LRMDA: variants seen among roughly 807,000 people sequenced by gnomAD.
LRMDA encodes leucine rich melanocyte differentiation associated.
Under a neutral mutation model 29.8 loss-of-function variants are expected in LRMDA, and 18 were observed. The ratio of observed to expected loss-of-function variants is 0.60; its 90% CI spans 0.42 to 0.90. The LOEUF (loss-of-function observed/expected upper bound fraction) is 0.90. LRMDA is among the 40% of genes least tolerant of loss of function. The pLI is 0.00. For synonymous variants in LRMDA, 125 were observed against 109.4 expected (o/e 1.14, Z -0.89); for missense variants, 273 against 273.9 (o/e 1.00, Z 0.02).
intron 2 of LRMDA, among the ~76,000 whole-genome samples, chr10:75,903,202 G>A (rs72811477): frequency 0.014 from 2,059 of 152,288 alleles, 59 homozygotes; most frequent in South Asian, 0.018. Context: ...ATGGAGGGAA[G>A]GTTTTGGTTA....
At chr10:76,181,315 T>G (rs1296688283) in intron 5 of LRMDA, among the ~76,000 whole-genome samples, 1 of 152,234 alleles carries the variant, frequency 6.6e-6, no homozygotes, top group Non-Finnish European at 1.5e-5. Flanking sequence ...TCAATTGCTT[T>G]GTTTGTGCTT....
intron 2 of LRMDA, among the ~76,000 whole-genome samples, chr10:75,549,360 G>A (rs1840115716): frequency 6.6e-6 from 1 of 152,130 alleles, no homozygotes; most frequent in South Asian, 2.1e-4. Context: ...TGCCTGTAAA[G>A]GACTTGAGCA....
chr10:75,962,449 T>C (rs910309070), intron 2 of LRMDA, among the ~76,000 whole-genome samples: 5 of 152,190 alleles, frequency 3.3e-5, no homozygotes, highest in Non-Finnish European at 7.3e-5. Flanking sequence ...TTTTGTGTTT[T>C]ATCAAGCCCT....
At chr10:76,184,320 T>C (rs940217622) in intron 5 of LRMDA, among the ~76,000 whole-genome samples, 1 of 151,956 alleles carries the variant, frequency 6.6e-6, no homozygotes, top group Non-Finnish European at 1.5e-5. Context: ...CATGAGCCAA[T>C]GTACCCGGAC....
rs1308805589 is a variant in LRMDA, at chr10:75,509,363, T to C, written c.131+70869T>C. Reference sequence around the variant, plus strand: ...GCAAATATTAAATTCAAAACTCATATTATGCTCAAAATTTCCTTTTACTTT... The same window carrying C: ...GCAAATATTAAATTCAAAACTCATACTATGCTCAAAATTTCCTTTTACTTT... On this transcript the variant is annotated intron_variant, in intron 2 of 6. Coordinates refer to ENST00000611255, the MANE Select transcript of LRMDA (RefSeq NM_001305581.2). Among the ~76,000 whole-genome samples, 6 of 152,244 alleles carry C rather than the reference T, an allele frequency of 3.9e-5. No individual in the cohort carries two copies. The East Asian group carries it at 1.2e-3, about 29-fold the overall frequency.
chr10:75,792,288 G>T (rs1209073251), intron 2 of LRMDA, among the ~76,000 whole-genome samples: 1 of 123,976 alleles, frequency 8.1e-6, no homozygotes, highest in African/African-American at 2.6e-5. Flanking sequence ...TGTTTGAGAT[G>T]GAGTCTCACT....
rs983555318 is a variant in LRMDA, at chr10:75,431,724, C to T, written c.-1C>T. 8 of 1,355,392 alleles carry T rather than the reference C, an allele frequency of 5.9e-6. No homozygotes were observed. In the Admixed American group the frequency reaches 8.7e-5, roughly 15 times the overall value. 84.0% of individuals were successfully genotyped at this position (1,355,392 alleles called of 1,614,324 possible). ...CGCGCGCCCGCAGCGTCCTGGCCGC[C>T]ATGGCCGGGCTCGTGGTGCGTGGAA... On this transcript the variant is annotated 5_prime_UTR_variant, in exon 1 of 7. Transcript: ENST00000611255.
chr10:75,490,592 T>G (rs1564784563), intron 2 of LRMDA, among the ~76,000 whole-genome samples: 2 of 152,166 alleles, frequency 1.3e-5, no homozygotes, highest in African/African-American at 4.8e-5. Flanking sequence ...TATGGAGACA[T>G]GAAAGTCAAC....
chr10:76,308,086 T>C (rs529728230), intron 5 of LRMDA, among the ~76,000 whole-genome samples: 6 of 152,298 alleles, frequency 3.9e-5, no homozygotes, highest in African/African-American at 1.4e-4. Flanking sequence ...ACAGTCTCTC[T>C]GTAATGTAAA....
chr10:75,931,442 G>A (rs1262321579), intron 2 of LRMDA, among the ~76,000 whole-genome samples: 1 of 152,178 alleles, frequency 6.6e-6, no homozygotes, highest in East Asian at 1.9e-4. Context: ...ATAGATGTCT[G>A]TAGCCTCATG....
At chr10:76,504,591 A>T (rs1424335869) in intron 6 of LRMDA, among the ~76,000 whole-genome samples, 1 of 151,778 alleles carries the variant, frequency 6.6e-6, no homozygotes, top group East Asian at 1.9e-4. Context: ...TTGTTTGTTG[A>T]TGTTTTAAAG....
At chr10:75,632,390 A>G (rs1163526224) in intron 2 of LRMDA, among the ~76,000 whole-genome samples, 3 of 152,178 alleles carry the variant, frequency 2.0e-5, no homozygotes, top group African/African-American at 7.2e-5. Flanking sequence ...TAAAAAGAAA[A>G]GAGTGTTGTG....
chr10:76,495,927 T>C lies in LRMDA; in HGVS notation c.602-61282T>C, dbSNP rs1269525309. On this transcript the variant is annotated intron_variant, in intron 6 of 6. Coordinates refer to ENST00000611255, the MANE Select transcript of LRMDA (RefSeq NM_001305581.2). ...CTTTTATAGACTCCTTGAAGTGTTT[T>C]ATATAGACAATTATGCTGTCTTGTA... 2.6e-5 allele frequency among the ~76,000 whole-genome samples: 2 copies of C among 76,864 alleles called. 1 individual carries two copies. Among genetic ancestry groups the C allele is most frequent in the Non-Finnish European group, 8.7e-5 (2 of 22,988 alleles). 50.4% of individuals were successfully genotyped at this position (76,864 alleles called of 152,430 possible). A position where few individuals can be genotyped will look rare whatever the true frequency, so the allele number is the denominator to read the frequency against.
At chr10:76,276,876 C>T (rs1200396167) in intron 5 of LRMDA, among the ~76,000 whole-genome samples, 1 of 152,106 alleles carries the variant, frequency 6.6e-6, no homozygotes, top group Non-Finnish European at 1.5e-5. Context: ...TTTTCAAAGC[C>T]TTTGACATCC....
chr10:76,485,545 A>T (rs1029227102), intron 6 of LRMDA, among the ~76,000 whole-genome samples: 3 of 151,930 alleles, frequency 2.0e-5, no homozygotes, highest in South Asian at 4.1e-4. Context: ...TTTTAGATCA[A>T]TTAAAATTTT....
intron 5 of LRMDA, among the ~76,000 whole-genome samples, chr10:76,210,703 A>G (rs1306997296): frequency 2.0e-5 from 3 of 152,140 alleles, no homozygotes; most frequent in Non-Finnish European, 4.4e-5. Context: ...AGGATTGCAG[A>G]GATTCATCAC....
At chr10:75,542,774 GAC>G (rs1298745308) in intron 2 of LRMDA, among the ~76,000 whole-genome samples, 1 of 152,186 alleles carries the variant, frequency 6.6e-6, no homozygotes, top group Non-Finnish European at 1.5e-5. Flanking sequence ...TCATATGGGA[GAC>G]ACATGCAGGC....
chr10:75,438,300 T>C (rs767158479), intron 1 of LRMDA, 94 bp from the exon 2 acceptor site: 131 of 976,160 alleles, frequency 1.3e-4, no homozygotes, highest in Non-Finnish European at 2.0e-4. Flanking sequence ...GTGTTTCAAG[T>C]TGCAGAAGCA....
intron 2 of LRMDA, among the ~76,000 whole-genome samples, chr10:75,484,345 TTAG>T (rs1844886490): frequency 6.6e-6 from 1 of 152,154 alleles, no homozygotes; most frequent in Non-Finnish European, 1.5e-5. Context: ...AAACCCCCCC[TTAG>T]TAGTGATATC....
Sources: gnomAD v4.1 joint callset for allele counts (sites outside exome capture counted in the v4.1 genomes callset) on GRCh38, gnomAD v4.1.1 for gene constraint, MANE v1.5 for transcripts, NCBI Gene and HGNC (gene_info 2026-07-23, HGNC 2026-07-21) for gene names.